Variants in ELP2 observed in about 807,000 individuals in gnomAD.
ELP2 encodes the protein elongator complex protein 2.
ELP2 carries 90 observed loss-of-function variants against 119.2 expected under a neutral mutation model. The observed-to-expected ratio is 0.75, with a 90% CI of 0.64 to 0.90. The LOEUF (loss-of-function observed/expected upper bound fraction) is 0.90. Among genes scored for constraint, ELP2 ranks in the 40% least tolerant of loss-of-function variants. ELP2 has a pLI of 0.00. For synonymous variants in ELP2, 339 were observed against 331.0 expected, an observed-to-expected ratio of 1.02 and a Z score of -0.26; for missense variants, 921 against 967.8, an observed-to-expected ratio of 0.95 and a Z score of 0.64.
At chr18:36,139,765 T>G (rs2089957898) in intron 5 of ELP2, 4 of 448,184 alleles carry the variant, frequency 8.9e-6, no homozygotes. Flanking sequence ...CCTTTGGTAA[T>G]GCAAATTATT....
In ELP2 at chr18:36,176,628, A is replaced by C. The variant is rs1336859472; in HGVS notation, c.*1987A>C. ...AGTAAACATTCAGAGGACTTGCTACACATCTGGGCAGTCTGCATTGTAATT... is the reference window on the plus strand; with the variant it reads ...AGTAAACATTCAGAGGACTTGCTACCCATCTGGGCAGTCTGCATTGTAATT... On this transcript the variant is annotated 3_prime_UTR_variant, in exon 22 of 22. Coordinates refer to ENST00000358232, the MANE Select transcript of ELP2 (RefSeq NM_018255.4). 6.6e-6 allele frequency: 1 copy of C among 152,206 alleles called. No individual in the cohort carries two copies. The highest frequency in any genetic ancestry group is 2.4e-5 in the African/African-American group (1 of 41,450). The allele number at this position is 152,206 out of a possible 1,614,324, so 9.4% of individuals were successfully genotyped here. A position where few individuals can be genotyped will look rare whatever the true frequency, so the allele number is the denominator to read the frequency against.
chr18:36,134,193 G>C (rs758107559), intron 2 of ELP2, among the ~76,000 whole-genome samples: 1 of 152,102 alleles, frequency 6.6e-6, no homozygotes, highest in South Asian at 2.1e-4. Context: ...TTAATAACAT[G>C]TGAGAAGTAA....
At chr18:36,170,820 A>C (rs635908) in intron 20 of ELP2, 2 of 565,308 alleles carry the variant, frequency 3.5e-6, no homozygotes, top group Admixed American at 3.0e-5. Context: ...ACACTGGCTC[A>C]TGGGCCTTGC....
At chr18:36,146,587 T>C (rs565711183) in intron 11 of ELP2, among the ~76,000 whole-genome samples, 1 of 152,348 alleles carries the variant, frequency 6.6e-6, no homozygotes, top group Admixed American at 6.5e-5. Flanking sequence ...TCCTTTAAGC[T>C]ATAGAATTTT....
intron 2 of ELP2, 88 bp from the exon 3 acceptor site, chr18:36,136,219 G>A: frequency 2.2e-6 from 2 of 920,106 alleles, no homozygotes; most frequent in Admixed American, 3.5e-5. Flanking sequence ...GAGGGTACAG[G>A]GGTATTGTTT....
At chr18:36,155,269 C>CCG (rs2090536452) in intron 12 of ELP2, among the ~76,000 whole-genome samples, 1 of 143,532 alleles carries the variant, frequency 7.0e-6, no homozygotes, top group Non-Finnish European at 1.5e-5. Context: ...GCCCCTCCCC[C>CCG]CCCCCCGCCT....
Position 36,167,084 on chromosome 18 carries a change from A to G in ELP2, c.1955-17A>G, listed in dbSNP as rs144683811. ...GCTTTCTCTGCTTTGTGAATAGTGT[A>G]TACATATTTCTTTCAGAGCCAGTTT... On this transcript the variant is annotated splice_polypyrimidine_tract_variant and intron_variant, in intron 18 of 21. Coordinates refer to ENST00000358232, the MANE Select transcript of ELP2 (RefSeq NM_018255.4). The G allele has an allele frequency of 1.7e-4, 278 of 1,595,196 alleles. No homozygotes were observed. The highest frequency in any genetic ancestry group is 1.7e-3 in the Middle Eastern group (10 of 5,974).
In ELP2 at chr18:36,149,857, G is replaced by A. The variant is rs144701268; in HGVS notation, c.1125+3476G>A. ...ATTTTAGACAACCGATGTTTCAATCGTCCATTTCTACTTCTCTGTCAAACT... is the reference window on the plus strand; with the variant it reads ...ATTTTAGACAACCGATGTTTCAATCATCCATTTCTACTTCTCTGTCAAACT... On this transcript the variant is annotated intron_variant, in intron 11 of 21. Coordinates refer to ENST00000358232, the MANE Select transcript of ELP2 (RefSeq NM_018255.4). Among the ~76,000 whole-genome samples the A allele has an allele frequency of 2.2e-4, 34 of 152,060 alleles. No individual in the cohort carries two copies. The East Asian group carries it at 6.2e-3, about 28-fold the overall frequency.
intron 21 of ELP2, among the ~76,000 whole-genome samples, chr18:36,173,909 A>G (rs2091154508): frequency 6.6e-6 from 1 of 152,012 alleles, no homozygotes; most frequent in Non-Finnish European, 1.5e-5. Context: ...AGGGCTGGGG[A>G]GGTAGGGGGT....
rs1189322287 is a variant in ELP2 at position 36,176,449 on chromosome 18, T to C, written c.*1808T>C. The C allele has an allele frequency of 3.9e-5, 6 of 152,206 alleles. No individual in the cohort carries two copies. Among genetic ancestry groups the C allele is most frequent in the Admixed American group, 3.9e-4 (6 of 15,282 alleles). The allele number at this position is 152,206 out of a possible 1,614,324, so 9.4% of individuals were successfully genotyped here. ...AGTGCATGCAGGCTTCCAGAGCAGA[T>C]TCAGAGGCCTAACTTAGTCCTTTAG... is the stretch of plus-strand genomic sequence containing the variant. On this transcript the variant is annotated 3_prime_UTR_variant, in exon 22 of 22. Coordinates refer to ENST00000358232, the MANE Select transcript of ELP2 (RefSeq NM_018255.4).
At chr18:36,162,713 A>G (rs1568016968) in intron 17 of ELP2, among the ~76,000 whole-genome samples, 1 of 152,146 alleles carries the variant, frequency 6.6e-6, no homozygotes. Context: ...GTGCACCCTC[A>G]CCAGCACTTA....
intron 19 of ELP2, among the ~76,000 whole-genome samples, chr18:36,169,482 G>A (rs2091012550): frequency 6.6e-6 from 1 of 151,236 alleles, no homozygotes. Context: ...TGCCTGCTAG[G>A]TTCAAGCGAT....
chr18:36,140,562 G>A (rs929309495), intron 5 of ELP2, among the ~76,000 whole-genome samples: 1 of 152,010 alleles, frequency 6.6e-6, no homozygotes, highest in Non-Finnish European at 1.5e-5. Flanking sequence ...GGCCAGGCTG[G>A]TCTCAAATTC....
At chr18:36,138,492 A>G in intron 4 of ELP2, 66 bp downstream of exon 4, 1 of 1,496,706 alleles carries the variant, frequency 6.7e-7, no homozygotes, top group Non-Finnish European at 9.2e-7. Flanking sequence ...GACGAGTAGA[A>G]GAGCATATAT....
chr18:36,152,749 T>C (rs2090442568), intron 11 of ELP2, among the ~76,000 whole-genome samples: 1 of 152,246 alleles, frequency 6.6e-6, no homozygotes, highest in Admixed American at 6.5e-5. Context: ...ACTAGTGAGC[T>C]GTGGGTCCTG....
In ELP2 at chr18:36,159,044, G is replaced by T; in HGVS notation, c.1534+140G>T. On this transcript the variant is annotated intron_variant, in intron 14 of 21. Transcript: ENST00000358232. ...GTATATCTTTTCTATCACCTATTTCGTGATAAGTACTCTTTGTACACACTC... is the reference window on the plus strand; with the variant it reads ...GTATATCTTTTCTATCACCTATTTCTTGATAAGTACTCTTTGTACACACTC... The T allele has an allele frequency of 5.9e-6, 4 of 674,256 alleles. 1 individual carries two copies. In the South Asian group the frequency reaches 6.7e-5, roughly 11 times the overall value. 41.8% of individuals were successfully genotyped at this position (674,256 alleles called of 1,614,324 possible).
chr18:36,139,737 CAG>C (rs1427765500), intron 5 of ELP2: 2 of 727,478 alleles, frequency 2.7e-6, no homozygotes, highest in Non-Finnish European at 4.3e-6. Context: ...TCTTATCTAG[CAG>C]AGTCATCAGG....
chr18:36,154,790 C>T (rs757319166), intron 11 of ELP2, 60 bp from the exon 12 acceptor site: 104 of 1,600,338 alleles, frequency 6.5e-5, no homozygotes, highest in Non-Finnish European at 8.2e-5. Context: ...GACGTGAGTG[C>T]TTTACTTTGG....
chr18:36,167,255 T>A, intron 19 of ELP2, 33 bp downstream of exon 19: 1 of 1,473,534 alleles, frequency 6.8e-7, no homozygotes, highest in Non-Finnish European at 9.2e-7. Flanking sequence ...TTTTTTCAAA[T>A]GTAAAAATAA....
Sources: allele counts gnomAD v4.1 joint callset (sites outside exome capture counted in the v4.1 genomes callset), GRCh38; gene constraint gnomAD v4.1.1; transcripts MANE v1.5; gene names NCBI Gene and HGNC (gene_info 2026-07-23, HGNC 2026-07-21).